The following MIR2052HG variants were observed in gnomAD, a reference collection of about 807,000 sequenced individuals.
MIR2052HG encodes MIR2052 host gene.
At chr8:74,683,746 T>TTA (rs1208551745) in intron 2 of MIR2052HG, among the ~76,000 whole-genome samples, 3 of 152,158 alleles carry the variant, frequency 2.0e-5, no homozygotes, top group Non-Finnish European at 4.4e-5. Context: ...ATAATCAATT[T>TTA]TATCTTTACC....
At chr8:74,746,954 A>T (rs1438988552) in intron 4 of MIR2052HG, among the ~76,000 whole-genome samples, 1 of 152,176 alleles carries the variant, frequency 6.6e-6, no homozygotes, top group Non-Finnish European at 1.5e-5. Context: ...CTGTTTTACC[A>T]CCCAAGCCCC....
intron 2 of MIR2052HG, among the ~76,000 whole-genome samples, chr8:74,674,782 TGTTA>T (rs1444593849): frequency 6.6e-6 from 1 of 151,902 alleles, no homozygotes; most frequent in African/African-American, 2.4e-5. Flanking sequence ...AATAAGAACC[TGTTA>T]ATTACTATAC....
intron 4 of MIR2052HG, among the ~76,000 whole-genome samples, chr8:74,711,247 C>G (rs1462654886): frequency 6.6e-6 from 1 of 152,106 alleles, no homozygotes; most frequent in Admixed American, 6.6e-5. Flanking sequence ...GCCCTTTTCC[C>G]AGGTATAATT....
intron 2 of MIR2052HG, among the ~76,000 whole-genome samples, chr8:74,666,409 A>G (rs1178445436): frequency 6.6e-6 from 1 of 152,140 alleles, no homozygotes; most frequent in Non-Finnish European, 1.5e-5. Flanking sequence ...TTTTCAGGAG[A>G]GCATTTATCC....
intron 4 of MIR2052HG, among the ~76,000 whole-genome samples, chr8:74,715,509 A>G (rs1353485271): frequency 2.0e-5 from 3 of 152,252 alleles, no homozygotes; most frequent in East Asian, 3.8e-4. Flanking sequence ...GTGTTTGACT[A>G]GAAAAATCCC....
At chr8:74,755,581 C>A (rs1044459358) in intron 5 of MIR2052HG, among the ~76,000 whole-genome samples, 2 of 152,198 alleles carry the variant, frequency 1.3e-5, no homozygotes, top group Admixed American at 1.3e-4. Context: ...AAATGTTCTG[C>A]TGGCTCTTTT....
At chr8:74,674,171 A>G (rs1276973005) in intron 2 of MIR2052HG, among the ~76,000 whole-genome samples, 1 of 149,038 alleles carries the variant, frequency 6.7e-6, no homozygotes, top group Non-Finnish European at 1.5e-5. Context: ...TGTGTGTATC[A>G]TTTATCTAGA....
chr8:74,696,571 G>A lies in MIR2052HG; in HGVS notation n.217-5808G>A, dbSNP rs551921219. 3.9e-5 allele frequency among the ~76,000 whole-genome samples: 6 copies of A among 152,130 alleles called. No homozygotes were observed. The East Asian group carries it at 1.2e-3, about 29-fold the overall frequency. On this transcript the variant is annotated intron_variant and non_coding_transcript_variant, in intron 2 of 6. Transcript: ENST00000523442. Reference sequence around the variant, plus strand: ...GATAAATAAAATGGGTAGAACATTAGTGAAATTAATCAAGAATAGAAGAGA... The same window carrying A: ...GATAAATAAAATGGGTAGAACATTAATGAAATTAATCAAGAATAGAAGAGA...
intron 2 of MIR2052HG, among the ~76,000 whole-genome samples, chr8:74,693,599 T>C (rs997346261): frequency 2.0e-5 from 2 of 100,478 alleles, no homozygotes; most frequent in African/African-American, 8.7e-5. Context: ...AAATCAGTGC[T>C]ATTGCGGGGG....
At chr8:74,679,153 G>A (rs909128282) in intron 2 of MIR2052HG, among the ~76,000 whole-genome samples, 1 of 152,150 alleles carries the variant, frequency 6.6e-6, no homozygotes, top group Admixed American at 6.6e-5. Flanking sequence ...TCATGGATAA[G>A]TTATTTAGTG....
chr8:74,645,574 T>C (rs1209191488), intron 2 of MIR2052HG, among the ~76,000 whole-genome samples: 1 of 152,246 alleles, frequency 6.6e-6, no homozygotes, highest in Non-Finnish European at 1.5e-5. Flanking sequence ...CGCGAGCCAC[T>C]GCGCCCGGCC....
chr8:74,715,309 A>T (rs1439624232), intron 4 of MIR2052HG, among the ~76,000 whole-genome samples: 1 of 152,178 alleles, frequency 6.6e-6, no homozygotes, highest in Non-Finnish European at 1.5e-5. Context: ...AAAGGAAGAC[A>T]TTGATTAGAT....
chr8:74,752,610 CCATTCAAGAAGCAT>C, intron 5 of MIR2052HG: 1 of 391,454 alleles, frequency 2.6e-6, no homozygotes, highest in Non-Finnish European at 5.0e-6. Context: ...ACTGCCTTAG[CCATTCAAGAAGCAT>C]TTGATTGTAT....
chr8:74,603,427 T>A lies in MIR2052HG; in HGVS notation n.128+3519T>A. The A allele has an allele frequency of 5.0e-6, 8 of 1,608,594 alleles. 1 individual carries two copies. In the South Asian group the frequency reaches 8.8e-5, roughly 18 times the overall value. On this transcript the variant is annotated intron_variant and non_coding_transcript_variant, in intron 1 of 6. Transcript: ENST00000523442. ...TTCCACTGGGTTCGCAATTTTGATC[T>A]GTGCCCCAGACATCTGACGGATCTC...
intron 2 of MIR2052HG, among the ~76,000 whole-genome samples, chr8:74,626,924 G>C (rs1322041367): frequency 6.6e-6 from 1 of 152,320 alleles, no homozygotes; most frequent in African/African-American, 2.4e-5. Flanking sequence ...AAAAAGAACA[G>C]AAATCCTTAA....
chr8:74,658,498 C>A (rs1348730860), intron 2 of MIR2052HG, among the ~76,000 whole-genome samples: 1 of 151,920 alleles, frequency 6.6e-6, no homozygotes, highest in Non-Finnish European at 1.5e-5. Context: ...TCAAGCAATT[C>A]TCCTGCCTCA....
At chr8:74,629,213 G>C (rs1268575849) in intron 2 of MIR2052HG, among the ~76,000 whole-genome samples, 1 of 152,120 alleles carries the variant, frequency 6.6e-6, no homozygotes, top group Non-Finnish European at 1.5e-5. Context: ...GCTCTATGCT[G>C]TTAGGCCACG....
intron 4 of MIR2052HG, among the ~76,000 whole-genome samples, chr8:74,734,239 T>C (rs1809724488): frequency 6.6e-6 from 1 of 152,228 alleles, no homozygotes; most frequent in Non-Finnish European, 1.5e-5. Flanking sequence ...ATGTGACCTT[T>C]GTAAACAGCA....
intron 2 of MIR2052HG, among the ~76,000 whole-genome samples, chr8:74,689,490 A>T (rs1284747815): frequency 2.6e-5 from 4 of 152,000 alleles, no homozygotes; most frequent in East Asian, 3.9e-4. Context: ...ATAGTTTAAA[A>T]TTTTTTTTCT....
Sources: allele counts gnomAD v4.1 joint callset (sites outside exome capture counted in the v4.1 genomes callset), GRCh38; gene constraint gnomAD v4.1.1; transcripts MANE v1.5; gene names NCBI Gene and HGNC (gene_info 2026-07-23, HGNC 2026-07-21).